FMN2: variants seen among roughly 807,000 people sequenced by gnomAD.
FMN2 encodes the protein formin 2, also known as formin-2.
In FMN2, 51 loss-of-function variants were observed where a neutral mutation model predicts 142.3. The ratio of observed to expected loss-of-function variants is 0.36; its 90% CI spans 0.29 to 0.45. FMN2 has a LOEUF of 0.45. FMN2 is among the 20% of genes least tolerant of loss of function. The probability of loss-of-function intolerance (pLI) is 1.00; values close to 1 mark genes in which losing one functional copy is unlikely to be tolerated. For missense variants in FMN2, 1,936 were observed against 2,122.8 expected (o/e 0.91, Z 1.73); for synonymous variants, 882 against 869.8 (o/e 1.01, Z -0.25).
At chr1:240,139,477 G>C (rs548029909) in intron 2 of FMN2, among the ~76,000 whole-genome samples, 2 of 152,262 alleles carry the variant, frequency 1.3e-5, no homozygotes, top group Admixed American at 1.3e-4. Context: ...GCTCTGGAAA[G>C]TGCCAGTAGA....
Position 240,437,963 on chromosome 1 carries a change from T to C in FMN2, c.4911-98T>C, listed in dbSNP as rs534158163. The stretch of plus-strand genomic sequence containing the variant: ...GCTTGAGTCCTCTTGGTAATAATAA[T>C]TGTGCATGAATAAAATCAGCATTTG... On this transcript the variant is annotated intron_variant, in intron 15 of 17. Transcript: ENST00000319653. 4.0e-5 allele frequency: 57 copies of C among 1,413,526 alleles called. No individual in the cohort carries two copies. The East Asian group carries it at 1.3e-3, about 33-fold the overall frequency. 87.6% of individuals were successfully genotyped at this position (1,413,526 alleles called of 1,614,324 possible). A position where few individuals can be genotyped will look rare whatever the true frequency, so the allele number is the denominator to read the frequency against.
At chr1:240,262,160 G>A (rs1668655457) in intron 7 of FMN2, among the ~76,000 whole-genome samples, 1 of 151,616 alleles carries the variant, frequency 6.6e-6, no homozygotes, top group Admixed American at 6.6e-5. Flanking sequence ...TTCATTGTGG[G>A]GTATGTCTAG....
In FMN2 at chr1:240,115,916, T is replaced by TTTTGGAAAATGACAGGAGA. The variant is rs1443511452; in HGVS notation, c.1616-7260_1616-7242dup. Among the ~76,000 whole-genome samples the TTTTGGAAAATGACAGGAGA allele has an allele frequency of 5.9e-5, 9 of 152,198 alleles. No homozygotes were observed. In the East Asian group the frequency reaches 1.7e-3, roughly 29 times the overall value. On this transcript the variant is annotated intron_variant, in intron 1 of 17. Transcript: ENST00000319653. ...CAAGGGGTGGATTACTCGTGAGTTT[T>TTTTGGAAAATGACAGGAGA]TTTGGAAAATGACAGGAGATTCCCA... is the stretch of plus-strand genomic sequence containing the variant.
chr1:240,420,124 T>G (rs2103140488), intron 15 of FMN2, among the ~76,000 whole-genome samples: 1 of 152,236 alleles, frequency 6.6e-6, no homozygotes, highest in East Asian at 1.9e-4. Context: ...TGCAACCTCT[T>G]CCTACAGAGA....
chr1:240,177,753 T>C, intron 2 of FMN2, 168 bp from the exon 3 acceptor site: 1 of 486,518 alleles, frequency 2.1e-6, no homozygotes, highest in Non-Finnish European at 3.2e-6. Context: ...AAAAAATGTG[T>C]ATCTTAGGAA....
intron 15 of FMN2, among the ~76,000 whole-genome samples, chr1:240,426,456 C>T (rs1278782144): frequency 6.6e-6 from 1 of 152,072 alleles, no homozygotes. Flanking sequence ...ATAGCTATTA[C>T]TTTGTGGTAC....
chr1:240,116,645 C>T (rs1352618722), intron 1 of FMN2, among the ~76,000 whole-genome samples: 2 of 151,970 alleles, frequency 1.3e-5, no homozygotes, highest in African/African-American at 4.8e-5. Flanking sequence ...AGTCCCAGCA[C>T]TTTGGGAGGT....
At chr1:240,209,204 A>C (rs991516945) in intron 5 of FMN2, among the ~76,000 whole-genome samples, 1 of 151,456 alleles carries the variant, frequency 6.6e-6, no homozygotes, top group African/African-American at 2.4e-5. Context: ...TCAAGTTTCC[A>C]TTTCTGACAA....
intron 1 of FMN2, among the ~76,000 whole-genome samples, chr1:240,118,692 A>G (rs1030394097): frequency 2.0e-5 from 3 of 151,958 alleles, no homozygotes; most frequent in Non-Finnish European, 2.9e-5. Flanking sequence ...TGTGGTGGAG[A>G]AAATGTTAGC....
chr1:240,153,891 G>A (rs1663894648), intron 2 of FMN2, among the ~76,000 whole-genome samples: 1 of 151,908 alleles, frequency 6.6e-6, no homozygotes, highest in Admixed American at 6.6e-5. Flanking sequence ...CAAGGAGGGT[G>A]GATCACCTGA....
At chr1:240,388,132 C>T (rs1232067241) in intron 14 of FMN2, among the ~76,000 whole-genome samples, 20 of 124,166 alleles carry the variant, frequency 1.6e-4, no homozygotes, top group South Asian at 2.9e-4. Context: ...GAGCTGAGAG[C>T]GGGTCACTGC....
At chr1:240,178,258 G>T (rs1665007854) in intron 3 of FMN2, among the ~76,000 whole-genome samples, 190 bp downstream of exon 3, 17 of 151,848 alleles carry the variant, frequency 1.1e-4, no homozygotes, top group Admixed American at 1.1e-3. Flanking sequence ...TGTGTTATTG[G>T]CTGGGAAGAT....
At chr1:240,246,610 A>G (rs1348802307) in intron 6 of FMN2, among the ~76,000 whole-genome samples, 1 of 152,180 alleles carries the variant, frequency 6.6e-6, no homozygotes, top group Non-Finnish European at 1.5e-5. Flanking sequence ...GCTCGTTAGA[A>G]ACAAAGAACC....
chr1:240,121,985 C>T (rs1424562854), intron 1 of FMN2, among the ~76,000 whole-genome samples: 7 of 151,734 alleles, frequency 4.6e-5, no homozygotes, highest in African/African-American at 1.5e-4. Flanking sequence ...GTCTAAATGG[C>T]GGCATGATGC....
chr1:240,102,715 A>G (rs1212719870), intron 1 of FMN2, among the ~76,000 whole-genome samples: 1 of 152,126 alleles, frequency 6.6e-6, no homozygotes, highest in Non-Finnish European at 1.5e-5. Flanking sequence ...ATTTTTAGAA[A>G]AATCCAGAAG....
Position 240,115,260 on chromosome 1 carries a change from T to A in FMN2, c.1616-7919T>A, listed in dbSNP as rs76111665. On this transcript the variant is annotated intron_variant, in intron 1 of 17. Transcript: ENST00000319653. ...TGTGTATAAAGCTATCTTTTTTTAT[T>A]TATGTCTGTATTGTTGGACATTTTA... 6.4e-3 allele frequency among the ~76,000 whole-genome samples: 970 copies of A among 152,338 alleles called. 5 individuals carry two copies. Among genetic ancestry groups the A allele is most frequent in the Non-Finnish European group, 8.4e-3 (570 of 68,030 alleles).
intron 2 of FMN2, among the ~76,000 whole-genome samples, chr1:240,158,137 C>A (rs1030726929): frequency 4.0e-5 from 6 of 151,768 alleles, no homozygotes; most frequent in Admixed American, 1.3e-4. Flanking sequence ...TTTTTTCTTG[C>A]AGCTGGATAA....
At chr1:240,168,772 G>A (rs938942830) in intron 2 of FMN2, among the ~76,000 whole-genome samples, 1 of 152,142 alleles carries the variant, frequency 6.6e-6, no homozygotes, top group Non-Finnish European at 1.5e-5. Flanking sequence ...GTGGAACCAG[G>A]AATGAGACTA....
In FMN2 at chr1:240,297,478, C is replaced by T. The variant is rs1670026506; in HGVS notation, c.4215+2595C>T. On this transcript the variant is annotated intron_variant, in intron 8 of 17. Transcript: ENST00000319653. ...GCATGGTGGCCCGGGCACGTGTAAT[C>T]CCAGCTACTCGGGAGGCTAAGGCAG... 2.0e-5 allele frequency among the ~76,000 whole-genome samples: 3 copies of T among 151,382 alleles called. No homozygotes were observed. In the South Asian group the frequency reaches 6.3e-4, roughly 32 times the overall value.
Sources: allele counts gnomAD v4.1 joint callset (sites outside exome capture counted in the v4.1 genomes callset), GRCh38; gene constraint gnomAD v4.1.1; transcripts MANE v1.5; gene names NCBI Gene and HGNC (gene_info 2026-07-23, HGNC 2026-07-21).